ADGRB3: variants seen among roughly 807,000 people sequenced by gnomAD.
The protein encoded by ADGRB3 is brain-specific angiogenesis inhibitor 3.
A neutral mutation model predicts 193.4 loss-of-function variants in ADGRB3; 37 were observed. The observed-to-expected ratio is 0.19, with a 90% confidence interval of 0.15 to 0.25. The LOEUF is 0.25. ADGRB3 is among the 10% of genes least tolerant of loss of function. The probability of loss-of-function intolerance (pLI) is 1.00; values close to 1 mark genes in which losing one functional copy is unlikely to be tolerated. For missense variants in ADGRB3, 1,637 were observed against 1,852.9 expected, an observed-to-expected ratio of 0.88 and a Z score of 2.14; for synonymous variants, 690 against 644.2, an observed-to-expected ratio of 1.07 and a Z score of -1.08.
At chr6:69,314,775 A>G (rs1424453579) in intron 20 of ADGRB3, among the ~76,000 whole-genome samples, 2 of 151,552 alleles carry the variant, frequency 1.3e-5, no homozygotes, top group African/African-American at 2.4e-5. Context: ...GCAGCTGTGG[A>G]AAAAGGGAGG....
In ADGRB3 at chr6:69,378,312, A is replaced by G. The variant is rs1769873197; in HGVS notation, c.4276-4519A>G. Among the ~76,000 whole-genome samples the G allele has an allele frequency of 2.6e-5, 4 of 152,102 alleles. No individual in the cohort carries two copies. In the South Asian group the frequency reaches 8.3e-4, roughly 31 times the overall value. ...TTTTCCATTTTAAAAAGACATAATT[A>G]CAAACCTGAATAGTCTAAAGAAGAG... On this transcript the variant is annotated intron_variant, in intron 30 of 31. Coordinates refer to ENST00000370598, the MANE Select transcript of ADGRB3 (RefSeq NM_001704.3).
intron 17 of ADGRB3, among the ~76,000 whole-genome samples, chr6:69,157,951 A>T (rs1774890038): frequency 6.6e-6 from 1 of 152,104 alleles, no homozygotes; most frequent in Non-Finnish European, 1.5e-5. Flanking sequence ...TTTAACATAA[A>T]TTCCTCTTGT....
chr6:68,728,797 A>G (rs1765720352), intron 3 of ADGRB3, among the ~76,000 whole-genome samples: 1 of 151,618 alleles, frequency 6.6e-6, no homozygotes, highest in African/African-American at 2.4e-5. Context: ...TCAACAAAAC[A>G]TCATGGCTCC....
chr6:69,383,115 T>C (rs1170899704), intron 31 of ADGRB3, among the ~76,000 whole-genome samples, 180 bp downstream of exon 31: 2 of 152,016 alleles, frequency 1.3e-5, no homozygotes, highest in South Asian at 2.1e-4. Flanking sequence ...ACAGAATCTT[T>C]AGGCATTTTA....
At chr6:69,190,462 T>A (rs1406610389) in intron 17 of ADGRB3, among the ~76,000 whole-genome samples, 2 of 152,030 alleles carry the variant, frequency 1.3e-5, no homozygotes, top group Non-Finnish European at 2.9e-5. Flanking sequence ...TGGGCAGCTA[T>A]GTGTCTGTGT....
At chr6:68,744,162 A>C (rs990709692) in intron 3 of ADGRB3, among the ~76,000 whole-genome samples, 3 of 152,140 alleles carry the variant, frequency 2.0e-5, no homozygotes, top group Non-Finnish European at 4.4e-5. Flanking sequence ...ATTTTATTTT[A>C]TCTTGAAGGC....
At chr6:69,106,128 C>T (rs1773204290) in intron 17 of ADGRB3, among the ~76,000 whole-genome samples, 1 of 124,230 alleles carries the variant, frequency 8.0e-6, no homozygotes, top group African/African-American at 3.0e-5. Flanking sequence ...CACTGCACTC[C>T]AGCCTGGGCA....
chr6:69,268,131 T>C (rs895830337), intron 20 of ADGRB3, among the ~76,000 whole-genome samples: 6 of 152,170 alleles, frequency 3.9e-5, no homozygotes, highest in African/African-American at 1.4e-4. Flanking sequence ...TTGAAAACAA[T>C]GCACAGGGAA....
chr6:69,201,314 T>G (rs1765412587), intron 17 of ADGRB3, among the ~76,000 whole-genome samples: 1 of 152,142 alleles, frequency 6.6e-6, no homozygotes, highest in Non-Finnish European at 1.5e-5. Context: ...TGTGACTTCC[T>G]CCTCTGGCTC....
At chr6:69,215,968 C>G (rs1351988689) in intron 17 of ADGRB3, among the ~76,000 whole-genome samples, 1 of 152,198 alleles carries the variant, frequency 6.6e-6, no homozygotes, top group East Asian at 1.9e-4. Context: ...ACCTTGACTA[C>G]TTTCTAGGAC....
intron 3 of ADGRB3, among the ~76,000 whole-genome samples, chr6:68,709,780 C>A (rs942405297): frequency 6.6e-6 from 1 of 152,016 alleles, no homozygotes; most frequent in Non-Finnish European, 1.5e-5. Context: ...TGCAAAAGGA[C>A]GTTTCTGTTT....
intron 3 of ADGRB3, among the ~76,000 whole-genome samples, chr6:68,875,187 TC>T (rs1765563470): frequency 8.8e-6 from 1 of 113,310 alleles, no homozygotes; most frequent in Non-Finnish European, 1.9e-5. Context: ...CTTCCTTCCT[TC>T]CTTCCTTCCT....
chr6:69,353,704 G>T (rs941565384), intron 26 of ADGRB3, among the ~76,000 whole-genome samples: 1 of 152,184 alleles, frequency 6.6e-6, no homozygotes, highest in Admixed American at 6.5e-5. Context: ...TCCCTCTATA[G>T]GTTATGGCAA....
intron 3 of ADGRB3, among the ~76,000 whole-genome samples, chr6:68,874,971 C>T (rs920922503): frequency 6.6e-6 from 1 of 152,288 alleles, no homozygotes; most frequent in Non-Finnish European, 1.5e-5. Context: ...CCCCTCAATG[C>T]CTTAATGACA....
At chr6:69,087,465 A>G (rs1255043518) in intron 17 of ADGRB3, among the ~76,000 whole-genome samples, 1 of 152,166 alleles carries the variant, frequency 6.6e-6, no homozygotes, top group Non-Finnish European at 1.5e-5. Flanking sequence ...TGATGAGCTC[A>G]TGGTATTTTT....
intron 17 of ADGRB3, among the ~76,000 whole-genome samples, chr6:69,157,820 G>A (rs1005327615): frequency 1.3e-5 from 2 of 152,050 alleles, no homozygotes; most frequent in Admixed American, 1.3e-4. Flanking sequence ...AATAAAAGAA[G>A]TCTAAATGTA....
At chr6:69,327,675 T>C (rs73471348) in intron 21 of ADGRB3, 145 bp from the exon 22 acceptor site, 9,939 of 518,132 alleles carry the variant, frequency 0.019, 722 homozygotes, top group African/African-American at 0.16. Context: ...AAAGAAATCC[T>C]GTAATAGAAA....
chr6:69,189,991 G>A (rs1202731809), intron 17 of ADGRB3, among the ~76,000 whole-genome samples: 2 of 152,022 alleles, frequency 1.3e-5, no homozygotes, highest in Non-Finnish European at 2.9e-5. Context: ...GTGTTTATAG[G>A]GATGCTGGTG....
chr6:68,992,910 T>TC (rs1769276502), intron 10 of ADGRB3, among the ~76,000 whole-genome samples: 1 of 105,470 alleles, frequency 9.5e-6, no homozygotes, highest in Non-Finnish European at 2.0e-5. Context: ...GATTATTTCA[T>TC]TTTTTTTTAG....
Sources: allele counts gnomAD v4.1 joint callset (sites outside exome capture counted in the v4.1 genomes callset), GRCh38; gene constraint gnomAD v4.1.1; transcripts MANE v1.5; gene names NCBI Gene and HGNC (gene_info 2026-07-23, HGNC 2026-07-21).